DMBT1: variants seen among roughly 807,000 people sequenced by gnomAD.
DMBT1 encodes the protein scavenger receptor cysteine-rich domain-containing protein DMBT1.
A neutral mutation model predicts 252.9 loss-of-function variants in DMBT1; 198 were observed. That is an observed-to-expected ratio of 0.78 (90% CI 0.70 to 0.88). The LOEUF (loss-of-function observed/expected upper bound fraction) is 0.88, where lower values mean the gene tolerates loss of function less well. DMBT1 is among the 40% of genes least tolerant of loss of function. DMBT1 has a pLI of 0.00. For missense variants in DMBT1, 2,432 were observed against 2,404.7 expected, an observed-to-expected ratio of 1.01 and a Z score of -0.24; for synonymous variants, 990 against 942.7, an observed-to-expected ratio of 1.05 and a Z score of -0.92.
Position 122,635,927 on chromosome 10 carries a change from A to C in DMBT1, c.6549-64A>C. The C allele has an allele frequency of 3.8e-6, 6 of 1,573,672 alleles. 1 individual carries two copies. In the East Asian group the frequency reaches 1.1e-4, roughly 29 times the overall value. On this transcript the variant is annotated intron_variant, in intron 52 of 55. Coordinates refer to ENST00000338354, the MANE Select transcript of DMBT1 (RefSeq NM_001377530.1). ...CACAGAGGTGTGACCCCACCCTGAG[A>C]TCTGACCCCCTGCGTCAAATTCTGG...
rs535521066 is a variant in DMBT1, at chr10:122,594,185, A to T, written c.2531-311A>T. On this transcript the variant is annotated intron_variant, in intron 21 of 55. Coordinates refer to ENST00000338354, the MANE Select transcript of DMBT1 (RefSeq NM_001377530.1). ...TTTTACCTGGCAGTGTCCGAGCCTC[A>T]GCAATGGCGTCTGATGTCCTAGTCA... 3.3e-4 allele frequency among the ~76,000 whole-genome samples: 47 copies of T among 141,672 alleles called. 1 individual carries two copies. Among genetic ancestry groups the T allele is most frequent in the African/African-American group, 1.1e-3 (45 of 40,312 alleles). 92.9% of individuals were successfully genotyped at this position (141,672 alleles called of 152,430 possible).
At chr10:122,569,165 A>G (rs1483697326) in intron 2 of DMBT1, among the ~76,000 whole-genome samples, 1 of 151,914 alleles carries the variant, frequency 6.6e-6, no homozygotes, top group African/African-American at 2.4e-5. Flanking sequence ...TGCTGATGCA[A>G]TCACCTCATG....
intron 10 of DMBT1, among the ~76,000 whole-genome samples, chr10:122,580,558 T>C (rs569007748): frequency 1.1e-4 from 16 of 152,178 alleles, no homozygotes; most frequent in African/African-American, 3.9e-4. Flanking sequence ...TTGGCTGGAG[T>C]GGCTTCCTCA....
At position 122,629,957 on chromosome 10, in the gene DMBT1, C is replaced by T; in HGVS notation, c.5786C>T (p.Ser1929Phe). 1 of 1,614,028 alleles carries T rather than the reference C, an allele frequency of 6.2e-7. No individual in the cohort carries two copies. Among genetic ancestry groups the T allele is most frequent in the African/African-American group, 1.3e-5 (1 of 75,052 alleles). The change falls in exon 47 of 56, where the codon TCT becomes TTT. Residue 1929 changes from serine (S) to phenylalanine (F), a missense_variant. By Grantham distance (155) the Ser-to-Phe change is radical. Around this residue, in one of 3 missense-constraint regions of DMBT1, gnomAD observed 1,162 missense variants for 1,169.0 expected, o/e 0.99. Coordinates refer to ENST00000338354, the MANE Select transcript of DMBT1 (RefSeq NM_001377530.1). ...AKCVWEIEVN[S>F]GYRINLGFSN... ...TGTGTTTGGGAAATAGAAGTGAATTCTGGTTATCGCATAAACCTGGGCTTC... is the reference window on the plus strand; with the variant it reads ...TGTGTTTGGGAAATAGAAGTGAATTTTGGTTATCGCATAAACCTGGGCTTC...
Position 122,630,958 on chromosome 10 carries a change from C to CA in DMBT1, c.6026-2dup. The stretch of plus-strand genomic sequence containing the variant: ...ATGATCTCTCAGTTAATGTGTCTTT[C>CA]AGATGCCACCTTGAGGTTGGTCAAT... On this transcript the variant is annotated splice_polypyrimidine_tract_variant and splice_region_variant and intron_variant, in intron 48 of 55. Transcript: ENST00000338354. The CA allele has an allele frequency of 6.3e-7, 1 of 1,590,566 alleles. No homozygotes were observed. The highest frequency in any genetic ancestry group is 8.6e-7 in the Non-Finnish European group (1 of 1,163,888).
chr10:122,586,859 G>A (rs917049224), intron 16 of DMBT1, among the ~76,000 whole-genome samples: 1 of 148,478 alleles, frequency 6.7e-6, no homozygotes, highest in East Asian at 2.1e-4. Context: ...ACATGGCGAG[G>A]GATGAAGCAA....
chr10:122,643,095 A>C (rs1208564526), intron 55 of DMBT1, 27 bp from the exon 56 acceptor site: 47 of 1,608,080 alleles, frequency 2.9e-5, no homozygotes, highest in Non-Finnish European at 4.0e-5. Context: ...CCTTGGTGAG[A>C]GCTAAGGGGC....
intron 7 of DMBT1, among the ~76,000 whole-genome samples, chr10:122,577,305 TA>T (rs1415351642): frequency 6.6e-6 from 1 of 152,134 alleles, no homozygotes; most frequent in Non-Finnish European, 1.5e-5. Flanking sequence ...GATGCAATTG[TA>T]AATAGTTCAC....
At chr10:122,625,603 AAATT>A (rs2098113169) in intron 45 of DMBT1, among the ~76,000 whole-genome samples, 1 of 152,238 alleles carries the variant, frequency 6.6e-6, no homozygotes, top group South Asian at 2.1e-4. Context: ...ATAACTGTCT[AAATT>A]AACCCATGGA....
rs1019277036 is a variant in DMBT1 at position 122,618,159 on chromosome 10, G to A, written c.5034G>A (p.Gln1678=). ...ATGATGCCAACGTGGTCTGCAGGCA[G>A]CTGGGCTGTGGCTGGGCCATGTCAG... ...DTNDANVVCR[Q]LGCGWAMSAP... The change falls in exon 41 of 56, where the codon CAG becomes CAA. Residue 1678 remains glutamine (Q), a synonymous_variant. Coordinates refer to ENST00000338354, the MANE Select transcript of DMBT1 (RefSeq NM_001377530.1). 7.4e-6 allele frequency: 12 copies of A among 1,613,856 alleles called. No individual in the cohort carries two copies. Among genetic ancestry groups the A allele is most frequent in the South Asian group, 1.1e-5 (1 of 91,074 alleles).
chr10:122,625,397 T>TG (rs1020400089), intron 45 of DMBT1, 94 bp downstream of exon 45: 122 of 1,220,708 alleles, frequency 1.0e-4, no homozygotes, highest in East Asian at 9.4e-4. Flanking sequence ...AGACTCCCCC[T>TG]GGGGGGGTAA....
In DMBT1 at chr10:122,593,506, G is replaced by A. The variant is rs371277877; in HGVS notation, c.2501-63G>A. ...GACTCGCTCATTTCTTTCCCTCCTC[G>A]TTCCAGTTTTGCCGACTTCTGTGTA... On this transcript the variant is annotated intron_variant, in intron 20 of 55. Transcript: ENST00000338354. 145 of 1,526,634 alleles carry A rather than the reference G, an allele frequency of 9.5e-5. 13 individuals carry two copies. Among genetic ancestry groups the A allele is most frequent in the South Asian group, 3.7e-4 (32 of 85,734 alleles). 94.6% of individuals were successfully genotyped at this position (1,526,634 alleles called of 1,614,324 possible).
rs765339624 is a variant in DMBT1, at chr10:122,592,495, G to A, written c.2400G>A (p.Val800=). 2 of 1,587,820 alleles carry A rather than the reference G, an allele frequency of 1.3e-6. No homozygotes were observed. The highest frequency in any genetic ancestry group is 2.3e-5 in the East Asian group (1 of 42,684). ...QGSGPIVLDD[V]RCSGHESYLW... ...CAGGACCCATTGTTCTGGATGATGT[G>A]CGCTGCTCAGGACACGAGTCCTACC... Residue 800 remains valine (V), a synonymous_variant, in exon 20 of 56, where the codon GTG becomes GTA. Transcript: ENST00000338354.
chr10:122,627,033 C>A (rs1363257030), intron 46 of DMBT1, among the ~76,000 whole-genome samples: 1 of 152,114 alleles, frequency 6.6e-6, no homozygotes, highest in Non-Finnish European at 1.5e-5. Context: ...CATTCAGGGC[C>A]TTGTGGGTGG....
chr10:122,589,343 C>G, intron 17 of DMBT1, 76 bp downstream of exon 17: 1 of 1,564,128 alleles, frequency 6.4e-7, no homozygotes, highest in South Asian at 1.2e-5. Flanking sequence ...GTTCTAATCT[C>G]CTCACTCAGA....
Position 122,619,321 on chromosome 10 carries a change from G to A in DMBT1, c.5229G>A (p.Gln1743=). The A allele has an allele frequency of 6.2e-7, 1 of 1,613,976 alleles. No individual in the cohort carries two copies. Among genetic ancestry groups the A allele is most frequent in the South Asian group, 1.1e-5 (1 of 91,078 alleles). ...TCTTTCTCACAGCTGCTCAGTCCCA[G>A]TCAACGCCCAGGCCAGGTGAGTCCC... ...AGVICSAAQS[Q]STPRPDTWLT... Residue 1743 remains glutamine (Q), a synonymous_variant, in exon 42 of 56, where the codon CAG becomes CAA. Coordinates refer to ENST00000338354, the MANE Select transcript of DMBT1 (RefSeq NM_001377530.1).
At chr10:122,622,939 T>A (rs2098084452) in intron 44 of DMBT1, among the ~76,000 whole-genome samples, 1 of 152,214 alleles carries the variant, frequency 6.6e-6, no homozygotes, top group African/African-American at 2.4e-5. Context: ...CCCTCTATCC[T>A]GAGATGGAAC....
chr10:122,637,105 C>A, intron 53 of DMBT1, 23 bp from the exon 54 acceptor site: 1 of 1,608,650 alleles, frequency 6.2e-7, no homozygotes, highest in Non-Finnish European at 8.5e-7. Context: ...TGACTGAGTG[C>A]CTTATCTGTC....
Position 122,589,123 on chromosome 10 carries a change from G to T in DMBT1, c.1963G>T (p.Ala655Ser), listed in dbSNP as rs747703834. ...CGWATSAPGN[A>S]RFGQGSGPIV... is the part of the protein sequence containing the mutation. ...CTGGGCCACGTCAGCCCCAGGAAAT[G>T]CCCGGTTTGGTCAGGGCTCAGGACC... Residue 655 changes from alanine to serine, a missense_variant, in exon 17 of 56, where the codon GCC (alanine) becomes TCC (serine). This residue lies in a region of DMBT1 where 1,264 missense variants were observed against 1,082.2 expected (regional missense o/e 1.17). Transcript: ENST00000338354. The T allele has an allele frequency of 2.5e-6, 4 of 1,588,592 alleles. No homozygotes were observed. The Admixed American group carries it at 6.7e-5, about 27-fold the overall frequency.
Sources: allele counts gnomAD v4.1 joint callset (sites outside exome capture counted in the v4.1 genomes callset), GRCh38; gene constraint gnomAD v4.1.1; regional missense constraint gnomAD v4.1.1; transcripts MANE v1.5; gene names NCBI Gene and HGNC (gene_info 2026-07-23, HGNC 2026-07-21).